FLNB: variants seen among roughly 807,000 people sequenced by gnomAD.
FLNB encodes the protein filamin B.
In FLNB, 111 loss-of-function variants were observed where a neutral mutation model predicts 250.6. That is an observed-to-expected ratio of 0.44 (90% CI 0.38 to 0.52). FLNB has a LOEUF of 0.52. Among genes scored for constraint, FLNB ranks in the 20% least tolerant of loss-of-function variants. The pLI is 0.00. For missense variants in FLNB, 2,869 were observed against 3,447.8 expected, an observed-to-expected ratio of 0.83 and a Z score of 4.20; for synonymous variants, 1,302 against 1,372.1, an observed-to-expected ratio of 0.95 and a Z score of 1.13.
chr3:58,050,021 C>CTTTTTT (rs34910480), intron 1 of FLNB, among the ~76,000 whole-genome samples: 3 of 130,480 alleles, frequency 2.3e-5, no homozygotes, highest in Non-Finnish European at 1.7e-5. Context: ...TAGAAAATGC[C>CTTTTTT]TTTTTTTTTT....
At position 58,109,328 on chromosome 3, in the gene FLNB, T is replaced by C. The variant is rs2097264694; in HGVS notation, c.2199+6T>C. ...TCCCGCACAGCCCCTACAGGGTAGG[T>C]TGTGAGGCAGAATCCTGGCTGTTTT... On this transcript the variant is annotated splice_donor_region_variant and intron_variant, in intron 14 of 45. Transcript: ENST00000295956. 4 of 1,612,230 alleles carry C rather than the reference T, an allele frequency of 2.5e-6. No individual in the cohort carries two copies. The highest frequency in any genetic ancestry group is 2.5e-6 in the Non-Finnish European group (3 of 1,179,226).
At chr3:58,149,155 C>A in intron 36 of FLNB, 1 of 412,976 alleles carries the variant, frequency 2.4e-6, no homozygotes, top group African/African-American at 2.0e-5. Context: ...CACCCTTGTT[C>A]TCAGCTTCCC....
intron 43 of FLNB, among the ~76,000 whole-genome samples, chr3:58,167,310 T>C (rs1035005145): frequency 6.6e-6 from 1 of 152,130 alleles, no homozygotes; most frequent in African/African-American, 2.4e-5. Context: ...TGAGATAGTG[T>C]TGGGGGTGGA....
At chr3:58,014,798 G>A (rs911246782) in intron 1 of FLNB, among the ~76,000 whole-genome samples, 2 of 151,990 alleles carry the variant, frequency 1.3e-5, no homozygotes, top group African/African-American at 4.8e-5. Context: ...GCGTGATCTC[G>A]GCTCACTGCA....
Position 58,169,828 on chromosome 3 carries a change from G to GGCTTTTT in FLNB, c.7621+35_7621+36insGCTTTTT. The GGCTTTTT allele has an allele frequency of 3.3e-6, 4 of 1,198,364 alleles. No homozygotes were observed. The highest frequency in any genetic ancestry group is 1.5e-5 in the African/African-American group (1 of 66,830). The allele number at this position is 1,198,364 out of a possible 1,614,324, so 74.2% of individuals were successfully genotyped here. A position where few individuals can be genotyped will look rare whatever the true frequency, so the allele number is the denominator to read the frequency against. On this transcript the variant is annotated intron_variant, in intron 45 of 45. Coordinates refer to ENST00000295956, the MANE Select transcript of FLNB (RefSeq NM_001457.4). This position sits in a 1 kb window ranked among gnomAD's most constrained non-coding sequence, Gnocchi z 4.8. ...TGGGCCTTTTCAAGGGTGGGGTGGG[G>GGCTTTTT]CAGGGGCAGGCTGGGCACCCTGGGT... is the stretch of plus-strand genomic sequence containing the variant.
At chr3:58,019,318 C>T (rs1002205658) in intron 1 of FLNB, among the ~76,000 whole-genome samples, 1 of 152,172 alleles carries the variant, frequency 6.6e-6, no homozygotes, top group South Asian at 2.1e-4. Context: ...CCCTGTCTGT[C>T]CCCTCTTTTG....
At chr3:58,058,605 T>G (rs903298743) in intron 1 of FLNB, among the ~76,000 whole-genome samples, 1 of 152,214 alleles carries the variant, frequency 6.6e-6, no homozygotes, top group Non-Finnish European at 1.5e-5. Context: ...TCATAAACAC[T>G]GGCTAAGGAT....
rs532656298 is a variant in FLNB at position 58,156,098 on chromosome 3, T to C, written c.6888+23T>C. On this transcript the variant is annotated intron_variant, in intron 41 of 45. Coordinates refer to ENST00000295956, the MANE Select transcript of FLNB (RefSeq NM_001457.4). ...CAGGTGAGATGCAAGGAAGCATCCA[T>C]CTCCTTGGCCGCAGGCCACCAGTGA... 2.5e-6 allele frequency: 4 copies of C among 1,584,268 alleles called. No homozygotes were observed. In the South Asian group the frequency reaches 4.4e-5, roughly 17 times the overall value.
chr3:58,032,697 G>T (rs1207980825), intron 1 of FLNB, among the ~76,000 whole-genome samples: 1 of 152,176 alleles, frequency 6.6e-6, no homozygotes, highest in Non-Finnish European at 1.5e-5. Context: ...GTGGTTTGGT[G>T]GTCCCCATCT....
intron 24 of FLNB, 43 bp from the exon 25 acceptor site, chr3:58,130,698 C>T: frequency 6.3e-7 from 1 of 1,597,466 alleles, no homozygotes; most frequent in Non-Finnish European, 8.5e-7. Flanking sequence ...AGGTGGTCTC[C>T]AATTCCCAGC....
intron 8 of FLNB, among the ~76,000 whole-genome samples, chr3:58,101,725 G>T (rs1018962146): frequency 1.3e-5 from 2 of 152,202 alleles, no homozygotes; most frequent in African/African-American, 4.8e-5. Flanking sequence ...TCAGGCGGAA[G>T]ACAACAACAT....
At chr3:58,118,003 G>A (rs2097281771) in intron 18 of FLNB, among the ~76,000 whole-genome samples, 1 of 152,152 alleles carries the variant, frequency 6.6e-6, no homozygotes. Context: ...TTGTGGTGAA[G>A]GGGATCTTGA....
chr3:58,098,939 T>A (rs1219400181), intron 8 of FLNB, 31 bp downstream of exon 8: 1 of 1,595,806 alleles, frequency 6.3e-7, no homozygotes, highest in Non-Finnish European at 8.6e-7. Flanking sequence ...CACATGTGCT[T>A]CTCATAGGGA....
intron 39 of FLNB, among the ~76,000 whole-genome samples, chr3:58,153,940 C>T (rs907663995): frequency 2.6e-5 from 4 of 152,130 alleles, no homozygotes; most frequent in African/African-American, 7.2e-5. Context: ...GAGCATCTTT[C>T]AGGGCTGATG....
intron 1 of FLNB, among the ~76,000 whole-genome samples, chr3:58,034,014 C>G (rs1004073511): frequency 2.0e-5 from 3 of 151,804 alleles, no homozygotes; most frequent in African/African-American, 7.3e-5. Context: ...GCATTTGCCA[C>G]CACACCTGGC....
chr3:58,066,330 C>CT (rs1331153720), intron 1 of FLNB, among the ~76,000 whole-genome samples: 1 of 151,834 alleles, frequency 6.6e-6, no homozygotes, highest in East Asian at 1.9e-4. Context: ...AGCTATTCTC[C>CT]TGCCTCGGCC....
intron 4 of FLNB, among the ~76,000 whole-genome samples, 167 bp downstream of exon 4, chr3:58,081,943 T>A (rs1428486688): frequency 6.6e-6 from 1 of 152,238 alleles, no homozygotes; most frequent in Non-Finnish European, 1.5e-5. Context: ...TTATTCTGCC[T>A]TGTTTTTCTA....
chr3:58,082,167 C>T (rs1000374759), intron 4 of FLNB, among the ~76,000 whole-genome samples: 6 of 152,168 alleles, frequency 3.9e-5, no homozygotes, highest in African/African-American at 1.2e-4. Context: ...AAGCCTGCCT[C>T]AGATTTCCAG....
intron 1 of FLNB, among the ~76,000 whole-genome samples, chr3:58,033,882 A>T (rs2097134340): frequency 6.6e-6 from 1 of 151,244 alleles, no homozygotes; most frequent in South Asian, 2.1e-4. Flanking sequence ...TATTTTTGAG[A>T]CGGAGTCTCA....
Sources: gnomAD v4.1 joint callset for allele counts (sites outside exome capture counted in the v4.1 genomes callset) on GRCh38, gnomAD v4.1.1 for gene constraint, Gnocchi (gnomAD v3.1) non-coding constraint, MANE v1.5 for transcripts, NCBI Gene and HGNC (gene_info 2026-07-23, HGNC 2026-07-21) for gene names.